The following TCF23 variants were observed in gnomAD, a reference collection of about 807,000 sequenced individuals.
TCF23 encodes the protein class A basic helix-loop-helix protein 24.
A neutral mutation model predicts 13.0 loss-of-function variants in TCF23; 7 were observed. That is an observed-to-expected ratio of 0.54 (90% confidence interval 0.31 to 1.01). The LOEUF is 1.01. Ranked by LOEUF, TCF23 falls within the 50% of genes least tolerant of loss-of-function variation. The pLI, the probability that TCF23 is intolerant of heterozygous loss-of-function variation, is 0.06. For synonymous variants in TCF23, 122 were observed against 119.5 expected (o/e 1.02, Z -0.14); for missense variants, 257 against 289.8 (o/e 0.89, Z 0.82).
chr2:27,153,027 T>C lies in TCF23; in HGVS notation c.*160T>C, dbSNP rs919080152. ...GCAGTAGCACTTCTGTGATGGACAG[T>C]ACCTAGAGGGGCACAGGTTGGAGAG... On this transcript the variant is annotated 3_prime_UTR_variant, in exon 3 of 3. Transcript: ENST00000296096. The C allele has an allele frequency of 1.4e-6, 2 of 1,419,198 alleles. No individual in the cohort carries two copies. The highest frequency in any genetic ancestry group is 9.2e-7 in the Non-Finnish European group (1 of 1,087,708). The allele number at this position is 1,419,198 out of a possible 1,614,324, so 87.9% of individuals were successfully genotyped here.
At position 27,150,457 on chromosome 2, in the gene TCF23, G is replaced by C; in HGVS notation, c.465+92G>C. 1 of 1,550,994 alleles carries C rather than the reference G, an allele frequency of 6.4e-7. No individual in the cohort carries two copies. On this transcript the variant is annotated intron_variant, in intron 2 of 2. Coordinates refer to ENST00000296096, the MANE Select transcript of TCF23 (RefSeq NM_175769.3). This position sits in a 1 kb window ranked among gnomAD's most constrained non-coding sequence, Gnocchi z 4.1. ...GAATGAGGGGGGACATTGGACTTGG[G>C]CCCCCTGCCCTGTGCAGAACTGACG...
At position 27,150,044 on chromosome 2, in the gene TCF23, A is replaced by G; in HGVS notation, c.223-79A>G. On this transcript the variant is annotated intron_variant, in intron 1 of 2. Transcript: ENST00000296096. This position sits in a 1 kb window ranked among gnomAD's most constrained non-coding sequence, Gnocchi z 4.1. Reference sequence around the variant, plus strand: ...AGACACCCTTCTACTCTGGTGGGAGACCTTGTGCTCAAACGCTCTCAGAAG... The same window carrying G: ...AGACACCCTTCTACTCTGGTGGGAGGCCTTGTGCTCAAACGCTCTCAGAAG... 6.5e-7 allele frequency: 1 copy of G among 1,542,448 alleles called. No homozygotes were observed. Among genetic ancestry groups the G allele is most frequent in the Non-Finnish European group, 8.7e-7 (1 of 1,147,078 alleles).
chr2:27,152,162 G>A (rs917074269), intron 2 of TCF23, among the ~76,000 whole-genome samples: 2 of 152,206 alleles, frequency 1.3e-5, no homozygotes, highest in African/African-American at 4.8e-5. Context: ...ATGAGGGCCC[G>A]GTTAGGTCCA....
In TCF23 at chr2:27,156,411, T is replaced by A. The variant is rs1391095745; in HGVS notation, c.*3544T>A. On this transcript the variant is annotated 3_prime_UTR_variant, in exon 3 of 3. Coordinates refer to ENST00000296096, the MANE Select transcript of TCF23 (RefSeq NM_175769.3). Reference sequence around the variant, plus strand: ...TTTGTTTTTTGAGACAGAGTCTCACTCTGTCACCGAGGCTGGAGCGCAGTG... The same window carrying A: ...TTTGTTTTTTGAGACAGAGTCTCACACTGTCACCGAGGCTGGAGCGCAGTG... The A allele has an allele frequency of 6.8e-6, 1 of 147,876 alleles. No individual in the cohort carries two copies. Among genetic ancestry groups the A allele is most frequent in the Non-Finnish European group, 1.5e-5 (1 of 67,228 alleles). The allele number at this position is 147,876 out of a possible 1,614,324, so 9.2% of individuals were successfully genotyped here.
rs770825252 is a variant in TCF23, at chr2:27,152,907, CT to C, written c.*42del. On this transcript the variant is annotated 3_prime_UTR_variant, in exon 3 of 3. Transcript: ENST00000296096. Reference sequence around the variant, plus strand: ...CTTTTCTCCTAGACTGTGACTCATGCTTATGGGCCTGGATTTTCTACCAGCC... The same window carrying C: ...CTTTTCTCCTAGACTGTGACTCATGCTATGGGCCTGGATTTTCTACCAGCC... 11 of 1,579,134 alleles carry C rather than the reference CT, an allele frequency of 7.0e-6. No individual in the cohort carries two copies. The highest frequency in any genetic ancestry group is 9.5e-6 in the Non-Finnish European group (11 of 1,159,624).
chr2:27,149,041 G>T lies in TCF23; in HGVS notation c.-93G>T. 2 of 1,241,138 alleles carry T rather than the reference G, an allele frequency of 1.6e-6. No individual in the cohort carries two copies. Among genetic ancestry groups the T allele is most frequent in the Non-Finnish European group, 2.2e-6 (2 of 893,060 alleles). 76.9% of individuals were successfully genotyped at this position (1,241,138 alleles called of 1,614,324 possible). On this transcript the variant is annotated 5_prime_UTR_variant, in exon 1 of 3. Transcript: ENST00000296096. ...GCTTCCTCGGATGTAGATATTGCTG[G>T]CTGGATGACCAGCCACAGCCAGCTA...
chr2:27,149,247 C>T lies in TCF23; in HGVS notation c.114C>T (p.Ser38=). ...CTGACAGGAAGAGGAGCCGCCTCAGCAGGACAAGGCAGGACCCGTGGGAAG... is the reference window on the plus strand; with the variant it reads ...CTGACAGGAAGAGGAGCCGCCTCAGTAGGACAAGGCAGGACCCGTGGGAAG... ...PGADRKRSRL[S]RTRQDPWEER... Residue 38 remains serine, a synonymous_variant, in exon 1 of 3, where the codon AGC becomes AGT. Coordinates refer to ENST00000296096, the MANE Select transcript of TCF23 (RefSeq NM_175769.3). The T allele has an allele frequency of 6.3e-7, 1 of 1,581,140 alleles. No individual in the cohort carries two copies. Among genetic ancestry groups the T allele is most frequent in the Non-Finnish European group, 8.6e-7 (1 of 1,163,714 alleles).
chr2:27,153,043 G>T lies in TCF23; in HGVS notation c.*176G>T. ...GATGGACAGTACCTAGAGGGGCACA[G>T]GTTGGAGAGCCTCCTCCTTGGTCCC... is the stretch of plus-strand genomic sequence containing the variant. On this transcript the variant is annotated 3_prime_UTR_variant, in exon 3 of 3. Transcript: ENST00000296096. The T allele has an allele frequency of 7.3e-7, 1 of 1,366,560 alleles. No individual in the cohort carries two copies. Among genetic ancestry groups the T allele is most frequent in the Non-Finnish European group, 9.5e-7 (1 of 1,057,992 alleles). 84.7% of individuals were successfully genotyped at this position (1,366,560 alleles called of 1,614,324 possible).
At chr2:27,149,713 C>T in intron 1 of TCF23, 1 of 588,974 alleles carries the variant, frequency 1.7e-6, no homozygotes. Flanking sequence ...CCACAGCAGC[C>T]TCGTCGTCTC....
chr2:27,151,577 AC>A (rs1209590286), intron 2 of TCF23, among the ~76,000 whole-genome samples: 1 of 151,840 alleles, frequency 6.6e-6, no homozygotes, highest in Non-Finnish European at 1.5e-5. Context: ...CAGATGATCC[AC>A]CCACTACGGC....
rs147834205 is a variant in TCF23 at position 27,153,028 on chromosome 2, A to G, written c.*161A>G. On this transcript the variant is annotated 3_prime_UTR_variant, in exon 3 of 3. Transcript: ENST00000296096. ...CAGTAGCACTTCTGTGATGGACAGT[A>G]CCTAGAGGGGCACAGGTTGGAGAGC... The G allele has an allele frequency of 2.4e-4, 345 of 1,418,552 alleles. 1 individual carries two copies. The Admixed American group carries it at 3.3e-3, about 13-fold the overall frequency. The allele number at this position is 1,418,552 out of a possible 1,614,324, so 87.9% of individuals were successfully genotyped here.
At chr2:27,149,814 A>C in intron 1 of TCF23, 1 of 666,308 alleles carries the variant, frequency 1.5e-6, no homozygotes, top group Non-Finnish European at 2.8e-6. Context: ...AGCAGGATTC[A>C]GATTGGGCAT....
rs746157424 is a variant in TCF23, at chr2:27,150,105, C to T, written c.223-18C>T. The stretch of plus-strand genomic sequence containing the variant: ...TGGGAGTCCAGGTCACACACACTCA[C>T]TGGGGCCCTCTGTGCAGAGCGAGGC... On this transcript the variant is annotated intron_variant, in intron 1 of 2. Coordinates refer to ENST00000296096, the MANE Select transcript of TCF23 (RefSeq NM_175769.3). The surrounding 1 kb of genome is among the most constrained non-coding windows in gnomAD (Gnocchi z 4.1). 25 of 1,588,844 alleles carry T rather than the reference C, an allele frequency of 1.6e-5. No homozygotes were observed. In the South Asian group the frequency reaches 2.5e-4, roughly 16 times the overall value.
At position 27,152,972 on chromosome 2, in the gene TCF23, T is replaced by A; in HGVS notation, c.*105T>A. On this transcript the variant is annotated 3_prime_UTR_variant, in exon 3 of 3. Coordinates refer to ENST00000296096, the MANE Select transcript of TCF23 (RefSeq NM_175769.3). ...CCATCAGACTTGACTCAGACTCAGC[T>A]CCCAAGTTCCAGCATGCAGACCAAG... is the stretch of plus-strand genomic sequence containing the variant. The A allele has an allele frequency of 6.5e-7, 1 of 1,530,598 alleles. No individual in the cohort carries two copies. The highest frequency in any genetic ancestry group is 8.8e-7 in the Non-Finnish European group (1 of 1,140,206). 94.8% of individuals were successfully genotyped at this position (1,530,598 alleles called of 1,614,324 possible).
In TCF23 at chr2:27,155,964, TC is replaced by T. The variant is rs1013037907; in HGVS notation, c.*3100del. ...GGAGGTGGAGGTGGGGAACAAGACTTCCCTGCTGGCTCCCTCCACAGAGCAT... is the reference window on the plus strand; with the variant it reads ...GGAGGTGGAGGTGGGGAACAAGACTTCCTGCTGGCTCCCTCCACAGAGCAT... On this transcript the variant is annotated 3_prime_UTR_variant, in exon 3 of 3. Coordinates refer to ENST00000296096, the MANE Select transcript of TCF23 (RefSeq NM_175769.3). 2.6e-5 allele frequency: 4 copies of T among 152,144 alleles called. No homozygotes were observed. Among genetic ancestry groups the T allele is most frequent in the African/African-American group, 9.7e-5 (4 of 41,400 alleles). The allele number at this position is 152,144 out of a possible 1,614,324, so 9.4% of individuals were successfully genotyped here. A position where few individuals can be genotyped will look rare whatever the true frequency, so the allele number is the denominator to read the frequency against.
In TCF23 at chr2:27,155,371, G is replaced by C. The variant is rs1245342374; in HGVS notation, c.*2504G>C. The C allele has an allele frequency of 6.6e-6, 1 of 152,328 alleles. No homozygotes were observed. Among genetic ancestry groups the C allele is most frequent in the East Asian group, 1.9e-4 (1 of 5,198 alleles). The allele number at this position is 152,328 out of a possible 1,614,324, so 9.4% of individuals were successfully genotyped here. On this transcript the variant is annotated 3_prime_UTR_variant, in exon 3 of 3. Transcript: ENST00000296096. ...GGGCCCTCCCTCCCTGACAAGCACA[G>C]TAATGCCCTTGAGACATGTCAGGAC...
In TCF23 at chr2:27,150,045, C is replaced by T; in HGVS notation, c.223-78C>T. ...GACACCCTTCTACTCTGGTGGGAGA[C>T]CTTGTGCTCAAACGCTCTCAGAAGT... On this transcript the variant is annotated intron_variant, in intron 1 of 2. Coordinates refer to ENST00000296096, the MANE Select transcript of TCF23 (RefSeq NM_175769.3). This position sits in a 1 kb window ranked among gnomAD's most constrained non-coding sequence, Gnocchi z 4.1. 1 of 1,544,402 alleles carries T rather than the reference C, an allele frequency of 6.5e-7. No homozygotes were observed. The highest frequency in any genetic ancestry group is 8.7e-7 in the Non-Finnish European group (1 of 1,147,984).
chr2:27,153,265 G>A lies in TCF23; in HGVS notation c.*398G>A, dbSNP rs1348532349. 1 of 165,740 alleles carries A rather than the reference G, an allele frequency of 6.0e-6. No homozygotes were observed. Among genetic ancestry groups the A allele is most frequent in the East Asian group, 1.8e-4 (1 of 5,686 alleles). The allele number at this position is 165,740 out of a possible 1,614,324, so 10.3% of individuals were successfully genotyped here. On this transcript the variant is annotated 3_prime_UTR_variant, in exon 3 of 3. Coordinates refer to ENST00000296096, the MANE Select transcript of TCF23 (RefSeq NM_175769.3). ...GATGGCACCAGCCCCAGGTGCTGATGGGAAAGCCAGGTGGCCGGATAGGCT... is the reference window on the plus strand; with the variant it reads ...GATGGCACCAGCCCCAGGTGCTGATAGGAAAGCCAGGTGGCCGGATAGGCT...
chr2:27,154,775 C>A lies in TCF23; in HGVS notation c.*1908C>A, dbSNP rs1672812253. 3.3e-5 allele frequency: 5 copies of A among 152,396 alleles called. No individual in the cohort carries two copies. The highest frequency in any genetic ancestry group is 3.3e-4 in the Admixed American group (5 of 15,284). The allele number at this position is 152,396 out of a possible 1,614,324, so 9.4% of individuals were successfully genotyped here. ...CATGAGCACAGTGTTCTTCACAAGA[C>A]CATAAAAGTCCAGCTAGAATGTACT... is the stretch of plus-strand genomic sequence containing the variant. On this transcript the variant is annotated 3_prime_UTR_variant, in exon 3 of 3. Transcript: ENST00000296096.
Sources: gnomAD v4.1 joint callset for allele counts (sites outside exome capture counted in the v4.1 genomes callset) on GRCh38, gnomAD v4.1.1 for gene constraint, Gnocchi (gnomAD v3.1) non-coding constraint, MANE v1.5 for transcripts, NCBI Gene and HGNC (gene_info 2026-07-23, HGNC 2026-07-21) for gene names.